Variants in DNAI3 observed in about 807,000 individuals in gnomAD.
DNAI3 encodes WD repeat domain 63.
Under a neutral mutation model 115.5 loss-of-function variants are expected in DNAI3, and 83 were observed. The ratio of observed to expected loss-of-function variants is 0.72; its 90% CI spans 0.60 to 0.86. The LOEUF is 0.86. Ranked by LOEUF, DNAI3 falls within the 40% of genes least tolerant of loss-of-function variation. DNAI3 has a pLI of 0.00. For synonymous variants in DNAI3, 320 were observed against 347.0 expected (o/e 0.92, Z 0.86); for missense variants, 1,004 against 1,075.8 (o/e 0.93, Z 0.93).
At chr1:85,124,789 C>T (rs956839450) in intron 19 of DNAI3, among the ~76,000 whole-genome samples, 1 of 152,164 alleles carries the variant, frequency 6.6e-6, no homozygotes, top group African/African-American at 2.4e-5. Context: ...CTGCCTCGGC[C>T]TCCCGAAGTG....
chr1:85,115,547 C>G (rs1655790087), intron 16 of DNAI3, among the ~76,000 whole-genome samples: 1 of 152,214 alleles, frequency 6.6e-6, no homozygotes, highest in Non-Finnish European at 1.5e-5. Context: ...GATTTTGAAT[C>G]TAAGTATCCA....
At chr1:85,116,046 TC>T (rs1255678670) in intron 16 of DNAI3, among the ~76,000 whole-genome samples, 1 of 152,178 alleles carries the variant, frequency 6.6e-6, no homozygotes, top group Non-Finnish European at 1.5e-5. Flanking sequence ...CTTCCGTTAT[TC>T]CTCCTCTATC....
At position 85,092,585 on chromosome 1, in the gene DNAI3, T is replaced by C. The variant is rs191308566; in HGVS notation, c.858-873T>C. Among the ~76,000 whole-genome samples the C allele has an allele frequency of 2.6e-3, 401 of 152,238 alleles. 4 individuals carry two copies. Among genetic ancestry groups the C allele is most frequent in the Non-Finnish European group, 4.4e-3 (301 of 68,018 alleles). ...GCATAAAAAGGGACAATAACTATCA[T>C]AGTAACTACTTTAAGACAGGAGCCT... is the stretch of plus-strand genomic sequence containing the variant. On this transcript the variant is annotated intron_variant, in intron 8 of 22. Transcript: ENST00000294664.
chr1:85,118,053 A>C (rs1655885177), intron 17 of DNAI3, among the ~76,000 whole-genome samples, 194 bp downstream of exon 17: 1 of 152,202 alleles, frequency 6.6e-6, no homozygotes, highest in South Asian at 2.1e-4. Flanking sequence ...TCCTGAACGT[A>C]TGTGGACAAA....
intron 16 of DNAI3, among the ~76,000 whole-genome samples, chr1:85,114,167 C>A (rs967348475): frequency 3.3e-5 from 5 of 151,990 alleles, no homozygotes; most frequent in Non-Finnish European, 5.9e-5. Context: ...CATGTACCAC[C>A]ACACCAGGCT....
chr1:85,112,055 T>C (rs772548065), intron 16 of DNAI3, among the ~76,000 whole-genome samples: 6 of 131,292 alleles, frequency 4.6e-5, no homozygotes, highest in Non-Finnish European at 8.6e-5. Context: ...CAGTATATAC[T>C]CTTTTTTTTT....
chr1:85,117,105 A>G (rs1396536565), intron 16 of DNAI3, among the ~76,000 whole-genome samples: 5 of 152,104 alleles, frequency 3.3e-5, no homozygotes, highest in Non-Finnish European at 5.9e-5. Flanking sequence ...TTATGAGCAT[A>G]TATTTCTCTA....
At chr1:85,117,158 G>A (rs1333279660) in intron 16 of DNAI3, among the ~76,000 whole-genome samples, 1 of 151,902 alleles carries the variant, frequency 6.6e-6, no homozygotes, top group Non-Finnish European at 1.5e-5. Flanking sequence ...CAAAAATCTA[G>A]TAAGTTACCT....
chr1:85,121,909 G>A, intron 18 of DNAI3, 95 bp downstream of exon 18: 1 of 1,334,762 alleles, frequency 7.5e-7, no homozygotes, highest in Non-Finnish European at 1.1e-6. Context: ...CCCTGGTCTT[G>A]CTAATGGGAG....
intron 19 of DNAI3, among the ~76,000 whole-genome samples, chr1:85,124,480 C>T (rs1166089914): frequency 6.6e-6 from 1 of 152,166 alleles, no homozygotes; most frequent in Admixed American, 6.5e-5. Flanking sequence ...GTTCCTTGTT[C>T]TCTGAAACTT....
intron 1 of DNAI3, among the ~76,000 whole-genome samples, chr1:85,070,269 TAAAA>T (rs938600776): frequency 6.6e-6 from 1 of 151,840 alleles, no homozygotes; most frequent in Non-Finnish European, 1.5e-5. Flanking sequence ...TCAAAAAAAA[TAAAA>T]TAAAATAAAA....
intron 7 of DNAI3, among the ~76,000 whole-genome samples, chr1:85,088,457 A>G (rs1654863191): frequency 6.6e-6 from 1 of 152,176 alleles, no homozygotes; most frequent in Non-Finnish European, 1.5e-5. Flanking sequence ...GGTAGCTGGT[A>G]TGAGGTAGAG....
At chr1:85,117,592 C>A in intron 16 of DNAI3, 137 bp from the exon 17 acceptor site, 1 of 1,182,202 alleles carries the variant, frequency 8.5e-7, no homozygotes, top group Non-Finnish European at 1.2e-6. Context: ...TCTAAAAATG[C>A]TTGGACTTAT....
intron 3 of DNAI3, among the ~76,000 whole-genome samples, chr1:85,076,539 A>G: frequency 6.6e-6 from 1 of 152,210 alleles, no homozygotes; most frequent in East Asian, 1.9e-4. Context: ...ACAGTTCTAC[A>G]TGGCTGGGGA....
intron 19 of DNAI3, 31 bp from the exon 20 acceptor site, chr1:85,126,480 T>C (rs1342626289): frequency 2.5e-6 from 4 of 1,586,092 alleles, no homozygotes; most frequent in South Asian, 1.2e-5. Flanking sequence ...CAAAATCTTC[T>C]TTATTTGTCT....
intron 7 of DNAI3, 96 bp downstream of exon 7, chr1:85,086,126 A>G (rs1017425137): frequency 9.0e-7 from 1 of 1,109,412 alleles, no homozygotes; most frequent in Non-Finnish European, 1.3e-6. Flanking sequence ...AATAAATAGA[A>G]ATGGATTAAT....
At chr1:85,123,897 A>C (rs1480406293) in intron 18 of DNAI3, among the ~76,000 whole-genome samples, 2 of 152,220 alleles carry the variant, frequency 1.3e-5, no homozygotes, top group East Asian at 3.8e-4. Flanking sequence ...CAAAGTATTC[A>C]TTTAAGCTTG....
At chr1:85,106,945 C>T (rs60866399) in intron 14 of DNAI3, among the ~76,000 whole-genome samples, 7,881 of 152,250 alleles carry the variant, frequency 0.052, 276 homozygotes, top group East Asian at 0.15. Context: ...AACATAGTCA[C>T]GTATCTTCAT....
intron 13 of DNAI3, among the ~76,000 whole-genome samples, chr1:85,104,138 T>TGGG (rs780490360): frequency 3.5e-4 from 50 of 142,522 alleles, no homozygotes; most frequent in African/African-American, 9.2e-4. Context: ...TTTTTTTTTT[T>TGGG]GGGCTGGAGT....
Sources: gnomAD v4.1 joint callset for allele counts (sites outside exome capture counted in the v4.1 genomes callset) on GRCh38, gnomAD v4.1.1 for gene constraint, MANE v1.5 for transcripts, NCBI Gene and HGNC (gene_info 2026-07-23, HGNC 2026-07-21) for gene names.